The following C11orf65 variants were observed in gnomAD, a reference collection of about 807,000 sequenced individuals.
C11orf65 encodes the protein protein MFI.
A neutral mutation model predicts 35.3 loss-of-function variants in C11orf65; 38 were observed. The ratio of observed to expected loss-of-function variants is 1.08; its 90% CI spans 0.83 to 1.41. The LOEUF (loss-of-function observed/expected upper bound fraction) is 1.41. Among genes scored for constraint, C11orf65 ranks in the 40% most tolerant of loss-of-function variants. The probability of loss-of-function intolerance (pLI) is 0.00; values close to 1 mark genes in which losing one functional copy is unlikely to be tolerated. For missense variants in C11orf65, 370 were observed against 367.1 expected (o/e 1.01, Z -0.06); for synonymous variants, 105 against 114.4 (o/e 0.92, Z 0.53).
intron 2 of C11orf65, among the ~76,000 whole-genome samples, chr11:108,439,900 C>T (rs1474744589): frequency 6.6e-6 from 1 of 152,008 alleles, no homozygotes; most frequent in Non-Finnish European, 1.5e-5. Flanking sequence ...AGGTGCACAA[C>T]ATTATGAATA....
At chr11:108,374,171 G>A (rs1591411030) in intron 2 of C11orf65, among the ~76,000 whole-genome samples, 3 of 146,552 alleles carry the variant, frequency 2.0e-5, no homozygotes, top group South Asian at 4.6e-4. Flanking sequence ...TCTGAGAATG[G>A]GCAGACTGCC....
chr11:108,454,064 G>A (rs1233265747), intron 2 of C11orf65, among the ~76,000 whole-genome samples: 1 of 152,108 alleles, frequency 6.6e-6, no homozygotes, highest in Admixed American at 6.5e-5. Context: ...TTCTTTGACG[G>A]GAGGTTTTTT....
chr11:108,454,613 GTTTA>G lies in C11orf65; in HGVS notation c.81+6862_81+6865del, dbSNP rs546194970. Reference sequence around the variant, plus strand: ...GCACCAGGCCTACTTTTACATTTTTGTTTATTTATTTATTTATTTATTTACTTTT... The same window carrying G: ...GCACCAGGCCTACTTTTACATTTTTGTTTATTTATTTATTTATTTACTTTT... On this transcript the variant is annotated intron_variant, in intron 2 of 8. Transcript: ENST00000393084. Among the ~76,000 whole-genome samples the G allele has an allele frequency of 8.4e-3, 1,271 of 151,714 alleles. 7 individuals are homozygous for G. The highest frequency in any genetic ancestry group is 0.013 in the Non-Finnish European group (914 of 67,842).
chr11:108,341,726 G>T (rs1348945842), intron 2 of C11orf65, among the ~76,000 whole-genome samples: 1 of 152,084 alleles, frequency 6.6e-6, no homozygotes, highest in Non-Finnish European at 1.5e-5. Context: ...TTTATATGAA[G>T]AATACAATGA....
chr11:108,424,722 T>C (rs2138951324), intron 3 of C11orf65, among the ~76,000 whole-genome samples: 1 of 152,098 alleles, frequency 6.6e-6, no homozygotes, highest in East Asian at 1.9e-4. Flanking sequence ...CTTCTCAACA[T>C]CACATCGCAC....
intron 6 of C11orf65, among the ~76,000 whole-genome samples, chr11:108,309,289 C>T (rs2083945229): frequency 6.6e-6 from 1 of 152,196 alleles, no homozygotes; most frequent in African/African-American, 2.4e-5. Context: ...GTCTTCCTTT[C>T]CATGGGGAAA....
rs752149193 is a variant in C11orf65 at position 108,383,159 on chromosome 11, T to C, written c.804A>G (p.Gln268=). ...CATAGTTATATATGTTTTTCTGTGC[T>C]TGATTAAACCTGAATCCTAAAGAGA... The part of the protein sequence containing the change: ...SANFKGFRFN[Q]AQKNIYNYGG... Residue 268 remains glutamine (Q), a synonymous_variant, in exon 9 of 9, where the codon CAA becomes CAG. Coordinates refer to ENST00000393084, the MANE Select transcript of C11orf65 (RefSeq NM_152587.5). 9 of 1,597,566 alleles carry C rather than the reference T, an allele frequency of 5.6e-6. No homozygotes were observed. Among genetic ancestry groups the C allele is most frequent in the East Asian group, 2.2e-5 (1 of 44,674 alleles).
intron 2 of C11orf65, among the ~76,000 whole-genome samples, chr11:108,444,568 C>T (rs1410108973): frequency 6.6e-6 from 1 of 152,116 alleles, no homozygotes; most frequent in African/African-American, 2.4e-5. Context: ...AAAAACCCTC[C>T]ATAAAATACT....
At chr11:108,373,376 G>A (rs181268934) in intron 2 of C11orf65, among the ~76,000 whole-genome samples, 5 of 152,246 alleles carry the variant, frequency 3.3e-5, no homozygotes, top group South Asian at 2.1e-4. Context: ...TACAGCTCAC[G>A]TCATATTTAA....
chr11:108,444,655 A>G (rs1386868655), intron 2 of C11orf65, among the ~76,000 whole-genome samples: 1 of 152,202 alleles, frequency 6.6e-6, no homozygotes, highest in Non-Finnish European at 1.5e-5. Context: ...GAACAGCTCC[A>G]GTCTACAGCT....
intron 7 of C11orf65, among the ~76,000 whole-genome samples, 175 bp from the exon 8 acceptor site, chr11:108,386,150 C>A (rs1383473263): frequency 6.6e-6 from 1 of 152,200 alleles, no homozygotes; most frequent in African/African-American, 2.4e-5. Flanking sequence ...CAGCTAAGAA[C>A]CTTCAGGACA....
intron 3 of C11orf65, among the ~76,000 whole-genome samples, chr11:108,426,296 A>G (rs951826470): frequency 5.9e-5 from 9 of 152,322 alleles, no homozygotes; most frequent in Non-Finnish European, 1.0e-4. Context: ...CAACTTCAAC[A>G]AAGTCTCAGG....
intron 6 of C11orf65, among the ~76,000 whole-genome samples, chr11:108,401,426 T>A (rs2092436504): frequency 6.6e-6 from 1 of 152,226 alleles, no homozygotes; most frequent in Non-Finnish European, 1.5e-5. Flanking sequence ...TGCCTGTTTT[T>A]CTGTGGCTAG....
At chr11:108,317,141 G>A (rs1223260862) in intron 6 of C11orf65, among the ~76,000 whole-genome samples, 1 of 150,654 alleles carries the variant, frequency 6.6e-6, no homozygotes, top group East Asian at 2.0e-4. Flanking sequence ...GTCTTGGTTT[G>A]TTGTCCAGGC....
At chr11:108,334,870 TTC>T (rs1003348428) in intron 3 of C11orf65, 41 of 1,391,430 alleles carry the variant, frequency 2.9e-5, no homozygotes, top group Non-Finnish European at 3.7e-5. Context: ...CGTCATTTGT[TTC>T]TCTGTTTAAT....
chr11:108,359,845 G>C (rs1250177584), intron 2 of C11orf65, among the ~76,000 whole-genome samples: 4 of 152,040 alleles, frequency 2.6e-5, no homozygotes, highest in Non-Finnish European at 5.9e-5. Context: ...GAGAAAGCAG[G>C]AAAGATCCAA....
chr11:108,423,109 G>C (rs2092843959), intron 3 of C11orf65, among the ~76,000 whole-genome samples: 3 of 152,074 alleles, frequency 2.0e-5, no homozygotes, highest in African/African-American at 7.2e-5. Context: ...AGATTCCCTA[G>C]GTTGCCTATG....
chr11:108,356,267 G>T (rs1436813644), intron 2 of C11orf65, among the ~76,000 whole-genome samples: 1 of 152,140 alleles, frequency 6.6e-6, no homozygotes, highest in Non-Finnish European at 1.5e-5. Flanking sequence ...TGGGCGCGGT[G>T]GCTCATGCCT....
intron 2 of C11orf65, chr11:108,365,639 G>A: frequency 8.9e-7 from 1 of 1,127,298 alleles, no homozygotes; most frequent in South Asian, 1.5e-5. Context: ...TTTGAATGTT[G>A]GTTTTAATAC....
Sources: allele counts gnomAD v4.1 joint callset (sites outside exome capture counted in the v4.1 genomes callset), GRCh38; gene constraint gnomAD v4.1.1; transcripts MANE v1.5; gene names NCBI Gene and HGNC (gene_info 2026-07-23, HGNC 2026-07-21).